ANKS1B: variants seen among roughly 807,000 people sequenced by gnomAD.
ANKS1B encodes the protein ankyrin repeat and sterile alpha motif domain-containing protein 1B.
In ANKS1B, 36 loss-of-function variants were observed where a neutral mutation model predicts 148.3. The observed-to-expected ratio is 0.24, with a 90% confidence interval of 0.19 to 0.32. The LOEUF (loss-of-function observed/expected upper bound fraction) is 0.32. Ranked by LOEUF, ANKS1B falls within the 10% of genes least tolerant of loss-of-function variation. The probability of loss-of-function intolerance (pLI) is 1.00; values close to 1 mark genes in which losing one functional copy is unlikely to be tolerated. For missense variants in ANKS1B, 1,157 were observed against 1,542.6 expected, an observed-to-expected ratio of 0.75 and a Z score of 4.19; for synonymous variants, 542 against 560.8, an observed-to-expected ratio of 0.97 and a Z score of 0.47.
At chr12:98,857,299 G>A (rs1348342386) in intron 17 of ANKS1B, among the ~76,000 whole-genome samples, 1 of 152,224 alleles carries the variant, frequency 6.6e-6, no homozygotes, top group Non-Finnish European at 1.5e-5. Flanking sequence ...TGCATGAGAG[G>A]AGTGGGATAC....
intron 11 of ANKS1B, among the ~76,000 whole-genome samples, chr12:99,417,041 T>C (rs2094930319): frequency 6.6e-6 from 1 of 152,220 alleles, no homozygotes; most frequent in South Asian, 2.1e-4. Context: ...GCCGTTGCCA[T>C]GCCAAGCTCA....
At chr12:99,867,841 G>T (rs560912902) in intron 1 of ANKS1B, among the ~76,000 whole-genome samples, 2 of 152,080 alleles carry the variant, frequency 1.3e-5, no homozygotes, top group African/African-American at 4.8e-5. Context: ...TATTAATATC[G>T]CAGCCTCACA....
chr12:99,815,878 T>C (rs75845434), intron 2 of ANKS1B, among the ~76,000 whole-genome samples: 4,735 of 151,950 alleles, frequency 0.031, 217 homozygotes, highest in African/African-American at 0.095. Context: ...CCACATTTTA[T>C]TTATCCACTC....
At chr12:99,482,397 T>C (rs2152938227) in intron 10 of ANKS1B, among the ~76,000 whole-genome samples, 1 of 152,222 alleles carries the variant, frequency 6.6e-6, no homozygotes, top group South Asian at 2.1e-4. Flanking sequence ...GTGCCTACTT[T>C]TATACCAGTA....
intron 12 of ANKS1B, among the ~76,000 whole-genome samples, chr12:99,250,384 G>C (rs2074426145): frequency 6.6e-6 from 1 of 152,204 alleles, no homozygotes; most frequent in Middle Eastern, 3.4e-3. Flanking sequence ...CCCCAGGAGG[G>C]GCCGTCCCTC....
chr12:99,892,703 C>G (rs2093176099), intron 1 of ANKS1B, among the ~76,000 whole-genome samples: 1 of 152,180 alleles, frequency 6.6e-6, no homozygotes, highest in Non-Finnish European at 1.5e-5. Flanking sequence ...ACACTCTACA[C>G]AGCCAACCAA....
Position 99,726,290 on chromosome 12 carries a change from G to A in ANKS1B, c.1128+46632C>T, listed in dbSNP as rs186370094. ...GAATCAAATAGACACAATAAAAAAC[G>A]ATAAAGGGGATATTACCACTTATCC... is the stretch of plus-strand genomic sequence containing the variant. On this transcript the variant is annotated intron_variant, in intron 8 of 26. Coordinates refer to ENST00000683438, the MANE Select transcript of ANKS1B (RefSeq NM_001352186.2). 8.7e-4 allele frequency among the ~76,000 whole-genome samples: 133 copies of A among 152,130 alleles called. 1 individual carries two copies. Among genetic ancestry groups the A allele is most frequent in the South Asian group, 6.2e-4 (3 of 4,810 alleles).
chr12:99,775,069 T>A (rs1437003676), intron 7 of ANKS1B, among the ~76,000 whole-genome samples: 1 of 151,980 alleles, frequency 6.6e-6, no homozygotes, highest in Non-Finnish European at 1.5e-5. Flanking sequence ...TTCTGGAGAT[T>A]TAAAATACAG....
intron 17 of ANKS1B, among the ~76,000 whole-genome samples, chr12:98,896,060 A>C (rs1433641966): frequency 1.3e-5 from 2 of 152,226 alleles, no homozygotes; most frequent in Non-Finnish European, 2.9e-5. Flanking sequence ...AGATTCCCAC[A>C]GAGAAGAATC....
chr12:99,485,791 C>T (rs1038721823), intron 10 of ANKS1B, among the ~76,000 whole-genome samples: 3 of 151,964 alleles, frequency 2.0e-5, no homozygotes, highest in African/African-American at 7.3e-5. Context: ...CTCTGGAATT[C>T]TTTCTTCTAT....
In ANKS1B at chr12:99,570,404, T is replaced by A. The variant is rs377690553; in HGVS notation, c.1273-65763A>T. On this transcript the variant is annotated intron_variant, in intron 9 of 26. Transcript: ENST00000683438. Reference sequence around the variant, plus strand: ...GGCTCACGCCTGTAATCCCAGCACTTTGGGAGGCCGAGGCAGGCAGATCAC... The same window carrying A: ...GGCTCACGCCTGTAATCCCAGCACTATGGGAGGCCGAGGCAGGCAGATCAC... 9.3e-4 allele frequency among the ~76,000 whole-genome samples: 141 copies of A among 151,724 alleles called. 1 individual carries two copies. Among genetic ancestry groups the A allele is most frequent in the African/African-American group, 3.3e-3 (136 of 41,358 alleles).
At chr12:99,946,178 G>A (rs2095056189) in intron 1 of ANKS1B, among the ~76,000 whole-genome samples, 1 of 152,172 alleles carries the variant, frequency 6.6e-6, no homozygotes, top group Admixed American at 6.5e-5. Context: ...CTTGCTCTGA[G>A]TGGGGAAAGG....
chr12:99,121,226 A>C (rs985143086), intron 15 of ANKS1B, among the ~76,000 whole-genome samples: 2 of 151,908 alleles, frequency 1.3e-5, no homozygotes, highest in African/African-American at 4.8e-5. Flanking sequence ...GAAAAGACAG[A>C]GGCTGAAGAG....
chr12:98,889,352 T>TTA (rs1417009211), intron 17 of ANKS1B, among the ~76,000 whole-genome samples: 71 of 124,028 alleles, frequency 5.7e-4, no homozygotes, highest in African/African-American at 1.7e-3. Context: ...CCTTTTTTAT[T>TTA]TTTTTTTTTT....
At chr12:99,526,904 G>A (rs1371718393) in intron 9 of ANKS1B, among the ~76,000 whole-genome samples, 3 of 152,168 alleles carry the variant, frequency 2.0e-5, no homozygotes, top group Admixed American at 1.3e-4. Context: ...TTATTAGGGT[G>A]GACCCCAATC....
chr12:99,806,449 T>C lies in ANKS1B; in HGVS notation c.624A>G (p.Ala208=). Residue 208 remains alanine, a synonymous_variant, in exon 4 of 27, where the codon GCA becomes GCG. Coordinates refer to ENST00000683438, the MANE Select transcript of ANKS1B (RefSeq NM_001352186.2). ...LHLAARNGHK[A]VVQVLLEAGM... ...CTGCCTCCAGCAGCACCTGCACGAC[T>C]GCTTTGTGGCCATTGCGCGCAGCAA... 1 of 1,613,992 alleles carries C rather than the reference T, an allele frequency of 6.2e-7. No individual in the cohort carries two copies.
intron 15 of ANKS1B, among the ~76,000 whole-genome samples, chr12:99,095,029 G>T (rs866819118): frequency 5.4e-4 from 10 of 18,564 alleles, no homozygotes; most frequent in Non-Finnish European, 5.3e-4. Context: ...GTCTCACTGG[G>T]GGGGGGGTCA....
chr12:99,246,686 A>T lies in ANKS1B; in HGVS notation c.1935T>A (p.Pro645=). The T allele has an allele frequency of 6.2e-7, 1 of 1,613,968 alleles. No homozygotes were observed. Among genetic ancestry groups the T allele is most frequent in the Non-Finnish European group, 8.5e-7 (1 of 1,179,870 alleles). ...GQDEVSLANS[P]LPFKQSPIEN... ...CTATTGGAGACTGCTTGAAAGGCAA[A>T]GGACTGTTTGCCAAACTGACTTCAT... Residue 645 remains proline (P), a synonymous_variant, in exon 13 of 27, where the codon CCT becomes CCA. Transcript: ENST00000683438.
intron 1 of ANKS1B, among the ~76,000 whole-genome samples, chr12:99,914,264 A>G (rs761036867): frequency 1.1e-4 from 17 of 152,214 alleles, no homozygotes; most frequent in Admixed American, 2.0e-4. Context: ...GGCAGCAAGG[A>G]TCCAATTTCT....
Sources: allele counts gnomAD v4.1 joint callset (sites outside exome capture counted in the v4.1 genomes callset), GRCh38; gene constraint gnomAD v4.1.1; transcripts MANE v1.5; gene names NCBI Gene and HGNC (gene_info 2026-07-23, HGNC 2026-07-21).